Variants in PPP2R2C observed in about 807,000 individuals in gnomAD.
PPP2R2C encodes protein phosphatase 2 regulatory subunit Bgamma.
Under a neutral mutation model 45.3 loss-of-function variants are expected in PPP2R2C, and 10 were observed. The observed-to-expected ratio is 0.22, with a 90% CI of 0.14 to 0.37. The LOEUF (loss-of-function observed/expected upper bound fraction) is 0.37. Among genes scored for constraint, PPP2R2C ranks in the 10% least tolerant of loss-of-function variants. PPP2R2C has a pLI of 1.00. For synonymous variants in PPP2R2C, 257 were observed against 245.4 expected (o/e 1.05, Z -0.44); for missense variants, 308 against 619.7 (o/e 0.50, Z 5.34).
At chr4:6,350,190 C>T (rs972625125) in intron 5 of PPP2R2C, 6 of 985,308 alleles carry the variant, frequency 6.1e-6, no homozygotes, top group Middle Eastern at 5.2e-4. Context: ...GAAGGCCAAG[C>T]AAGAAAAGAG....
At chr4:6,478,603 C>G (rs1470325975) in intron 2 of PPP2R2C, among the ~76,000 whole-genome samples, 2 of 152,204 alleles carry the variant, frequency 1.3e-5, no homozygotes, top group Non-Finnish European at 2.9e-5. Flanking sequence ...TTGTTGGTGA[C>G]AGCAGCACAT....
At chr4:6,336,349 G>A (rs1224696411) in intron 6 of PPP2R2C, among the ~76,000 whole-genome samples, 1 of 152,006 alleles carries the variant, frequency 6.6e-6, no homozygotes, top group Admixed American at 6.5e-5. Flanking sequence ...TCAGCACCAT[G>A]GGAAGGAAGG....
chr4:6,472,208 G>GCGTGTC lies in PPP2R2C; in HGVS notation c.16_21dup (p.Asp6_Thr7dup). 6.2e-7 allele frequency: 1 copy of GCGTGTC among 1,613,268 alleles called. No homozygotes were observed. The highest frequency in any genetic ancestry group is 2.2e-5 in the East Asian group (1 of 44,842). On this transcript the variant is annotated inframe_insertion, in exon 1 of 9. Coordinates refer to ENST00000382599, the MANE Select transcript of PPP2R2C (RefSeq NM_020416.4). The stretch of plus-strand genomic sequence containing the variant: ...CGCAGGAAGCTGTGGTTAATTTTCC[G>GCGTGTC]CGTGTCCGTGTCCTCGCCCATTGAA...
intron 2 of PPP2R2C, among the ~76,000 whole-genome samples, chr4:6,492,863 A>G (rs916866360): frequency 2.6e-5 from 4 of 152,154 alleles, no homozygotes. Context: ...TGTCAAAGGC[A>G]TGGGCCCCAG....
chr4:6,362,677 A>G (rs1713898234), intron 5 of PPP2R2C, among the ~76,000 whole-genome samples: 1 of 152,206 alleles, frequency 6.6e-6, no homozygotes, highest in Non-Finnish European at 1.5e-5. Context: ...GAGTTGGGAC[A>G]GTGACAGCCC....
Position 6,493,225 on chromosome 4 carries a change from GCACACACGCACGCGCGCGCACATA to G in PPP2R2C, c.49+42022_49+42045del, listed in dbSNP as rs113062882. Among the ~76,000 whole-genome samples, 20 of 152,020 alleles carry G rather than the reference GCACACACGCACGCGCGCGCACATA, an allele frequency of 1.3e-4. 1 individual carries two copies. The highest frequency in any genetic ancestry group is 4.8e-4 in the African/African-American group (20 of 41,464). On this transcript the variant is annotated intron_variant, in intron 2 of 9. Coordinates refer to the PPP2R2C transcript ENST00000506140. Reference sequence around the variant, plus strand: ...CTGCCATCCACCCACCCACACACAAGCACACACGCACGCGCGCGCACATACACACACCCCTCCTGGTCCCCCTTT... The same window carrying G: ...CTGCCATCCACCCACCCACACACAAGCACACACCCCTCCTGGTCCCCCTTT...
intron 1 of PPP2R2C, among the ~76,000 whole-genome samples, chr4:6,395,915 CT>C (rs1279468995): frequency 2.6e-5 from 4 of 152,172 alleles, no homozygotes; most frequent in African/African-American, 9.7e-5. Flanking sequence ...GGCATTAAGG[CT>C]TATGGGCCCC....
At chr4:6,323,857 TCACCTGAGCCTGGGGAGGCAGAG>T in intron 8 of PPP2R2C, among the ~76,000 whole-genome samples, 1 of 74,378 alleles carries the variant, frequency 1.3e-5, no homozygotes, top group East Asian at 1.1e-3. Context: ...GGCAGGAGGA[TCACCTGAGCCTGGGGAGGCAGAG>T]ACTGCAGTGA....
At chr4:6,380,969 A>G (rs746855712) in intron 2 of PPP2R2C, 28 bp downstream of exon 2, 1 of 1,221,386 alleles carries the variant, frequency 8.2e-7, no homozygotes, top group African/African-American at 2.1e-5. Context: ...CACCCCTCCC[A>G]CCTCCCACCA....
chr4:6,418,029 G>A (rs896958212), intron 1 of PPP2R2C, among the ~76,000 whole-genome samples: 1 of 152,192 alleles, frequency 6.6e-6, no homozygotes, highest in Non-Finnish European at 1.5e-5. Flanking sequence ...GGAGAACTGG[G>A]TTGGGGTCCT....
chr4:6,359,599 T>G lies in PPP2R2C; in HGVS notation c.626-11589A>C, dbSNP rs559289867. On this transcript the variant is annotated intron_variant, in intron 5 of 8. Transcript: ENST00000382599. ...TAAGATTTTTATTACTAAAATAATT[T>G]TATCATTAAAATTTATTTCACCTGT... Among the ~76,000 whole-genome samples the G allele has an allele frequency of 2.0e-5, 3 of 150,356 alleles. No homozygotes were observed. The South Asian group carries it at 6.4e-4, about 32-fold the overall frequency.
chr4:6,401,174 T>C (rs954134091), intron 1 of PPP2R2C, among the ~76,000 whole-genome samples: 2 of 152,192 alleles, frequency 1.3e-5, no homozygotes, highest in Non-Finnish European at 2.9e-5. Context: ...GAAATGTTAG[T>C]ACTCCCGTTA....
At chr4:6,508,850 A>C (rs1723329472) in intron 2 of PPP2R2C, among the ~76,000 whole-genome samples, 1 of 152,178 alleles carries the variant, frequency 6.6e-6, no homozygotes, top group African/African-American at 2.4e-5. Context: ...TGGACAGCCC[A>C]CCCCAAAAAA....
At chr4:6,404,705 G>C (rs145354833) in intron 1 of PPP2R2C, among the ~76,000 whole-genome samples, 1 of 152,308 alleles carries the variant, frequency 6.6e-6, no homozygotes, top group African/African-American at 2.4e-5. Context: ...GTTCTAAGGA[G>C]GCAGGTGCCC....
At chr4:6,386,588 G>A (rs950691724) in intron 1 of PPP2R2C, among the ~76,000 whole-genome samples, 3 of 152,182 alleles carry the variant, frequency 2.0e-5, no homozygotes, top group African/African-American at 7.2e-5. Flanking sequence ...TTAACTGCTT[G>A]CAAATACAAA....
intron 2 of PPP2R2C, among the ~76,000 whole-genome samples, chr4:6,489,397 A>G (rs1474575560): frequency 6.6e-6 from 1 of 152,124 alleles, no homozygotes. Flanking sequence ...ATCGGGCTTC[A>G]GGTAAGTGGC....
chr4:6,372,806 G>A (rs1468121576), intron 4 of PPP2R2C, 106 bp from the exon 5 acceptor site: 10 of 1,190,466 alleles, frequency 8.4e-6, no homozygotes, highest in Non-Finnish European at 1.2e-5. Flanking sequence ...ACACAGGGGT[G>A]GGCGTCCATC....
chr4:6,374,265 T>C (rs1715120382), intron 4 of PPP2R2C, among the ~76,000 whole-genome samples: 1 of 152,144 alleles, frequency 6.6e-6, no homozygotes, highest in Non-Finnish European at 1.5e-5. Context: ...GCTTTCTGTT[T>C]TCTCCAGGCG....
chr4:6,323,080 T>A lies in PPP2R2C; in HGVS notation c.*222A>T. On this transcript the variant is annotated 3_prime_UTR_variant, in exon 9 of 9. Transcript: ENST00000382599. Reference sequence around the variant, plus strand: ...TTGTGGCGGTGAACGCTTCCTTTCCTTTTTATTTTTTTAAACAGACAATTA... The same window carrying A: ...TTGTGGCGGTGAACGCTTCCTTTCCATTTTATTTTTTTAAACAGACAATTA... 1 of 476,250 alleles carries A rather than the reference T, an allele frequency of 2.1e-6. No homozygotes were observed. Among genetic ancestry groups the A allele is most frequent in the Non-Finnish European group, 3.6e-6 (1 of 278,584 alleles). The allele number at this position is 476,250 out of a possible 1,614,324, so 29.5% of individuals were successfully genotyped here. A position where few individuals can be genotyped will look rare whatever the true frequency, so the allele number is the denominator to read the frequency against.
Sources: allele counts gnomAD v4.1 joint callset (sites outside exome capture counted in the v4.1 genomes callset), GRCh38; gene constraint gnomAD v4.1.1; transcripts MANE v1.5; gene names NCBI Gene and HGNC (gene_info 2026-07-23, HGNC 2026-07-21).